The following NECAB1 variants were observed in gnomAD, a reference collection of about 807,000 sequenced individuals.
NECAB1 encodes N-terminal EF-hand calcium-binding protein 1.
NECAB1 carries 29 observed loss-of-function variants against 57.5 expected under a neutral mutation model. The observed-to-expected ratio is 0.50, with a 90% confidence interval of 0.38 to 0.69. The LOEUF is 0.69. NECAB1 is among the 30% of genes least tolerant of loss of function. The probability of loss-of-function intolerance (pLI) is 0.00; values close to 1 mark genes in which losing one functional copy is unlikely to be tolerated. For synonymous variants in NECAB1, 142 were observed against 147.7 expected, an observed-to-expected ratio of 0.96 and a Z score of 0.28; for missense variants, 372 against 413.8, an observed-to-expected ratio of 0.90 and a Z score of 0.88.
intron 3 of NECAB1, among the ~76,000 whole-genome samples, chr8:90,852,362 A>G (rs2129780624): frequency 6.6e-6 from 1 of 152,010 alleles, no homozygotes; most frequent in Admixed American, 6.5e-5. Context: ...AGGACATCAT[A>G]GCTTCAAGGT....
intron 7 of NECAB1, among the ~76,000 whole-genome samples, chr8:90,926,827 G>A (rs1041464827): frequency 2.2e-4 from 33 of 152,164 alleles, no homozygotes; most frequent in Non-Finnish European, 3.7e-4. Flanking sequence ...CACATGTCAA[G>A]CACAGTAACA....
rs146279683 is a variant in NECAB1 at position 90,884,928 on chromosome 8, C to T, written c.357+3798C>T. On this transcript the variant is annotated intron_variant, in intron 5 of 12. Transcript: ENST00000417640. ...GGCCAGACTTCTGCCCAACACCTGGCAAAGGGGAACTCAATGCCTCTGGAA... is the reference window on the plus strand; with the variant it reads ...GGCCAGACTTCTGCCCAACACCTGGTAAAGGGGAACTCAATGCCTCTGGAA... Among the ~76,000 whole-genome samples, 1,154 of 152,258 alleles carry T rather than the reference C, an allele frequency of 7.6e-3. 17 individuals carry two copies. The highest frequency in any genetic ancestry group is 0.026 in the African/African-American group (1,083 of 41,562).
At chr8:90,801,486 G>T (rs879087950) in intron 1 of NECAB1, among the ~76,000 whole-genome samples, 1 of 152,038 alleles carries the variant, frequency 6.6e-6, no homozygotes, top group South Asian at 2.1e-4. Flanking sequence ...ACCACAGTTG[G>T]TTTGTTCATT....
chr8:90,942,481 G>A (rs1245819298), intron 10 of NECAB1, among the ~76,000 whole-genome samples: 7 of 152,094 alleles, frequency 4.6e-5, no homozygotes, highest in African/African-American at 1.4e-4. Context: ...AGACTCAGAG[G>A]GCACAAATCA....
rs1167185467 is a variant in NECAB1 at position 90,934,159 on chromosome 8, A to T, written c.694-145A>T. 4 of 595,084 alleles carry T rather than the reference A, an allele frequency of 6.7e-6. No individual in the cohort carries two copies. In the African/African-American group the frequency reaches 7.8e-5, roughly 12 times the overall value. The allele number at this position is 595,084 out of a possible 1,614,324, so 36.9% of individuals were successfully genotyped here. A position where few individuals can be genotyped will look rare whatever the true frequency, so the allele number is the denominator to read the frequency against. On this transcript the variant is annotated intron_variant, in intron 8 of 12. Coordinates refer to ENST00000417640, the MANE Select transcript of NECAB1 (RefSeq NM_022351.5). The stretch of plus-strand genomic sequence containing the variant: ...TCTTTATTGGAACAGCTGAGTTTTA[A>T]AAAAATCAGTATTATTTCATCTTTA...
intron 3 of NECAB1, among the ~76,000 whole-genome samples, chr8:90,858,755 C>T (rs1396531378): frequency 4.6e-5 from 7 of 152,118 alleles, no homozygotes; most frequent in East Asian, 1.9e-4. Context: ...TCCATTGGCT[C>T]GTAACTATAT....
At chr8:90,907,295 C>T (rs1363145668) in intron 5 of NECAB1, among the ~76,000 whole-genome samples, 1 of 151,982 alleles carries the variant, frequency 6.6e-6, no homozygotes, top group East Asian at 1.9e-4. Flanking sequence ...TCTAGATACT[C>T]CTAAAATGCC....
chr8:90,900,293 A>G (rs561916904), intron 5 of NECAB1, among the ~76,000 whole-genome samples: 1 of 152,250 alleles, frequency 6.6e-6, no homozygotes, highest in Non-Finnish European at 1.5e-5. Flanking sequence ...ATCACTTTTG[A>G]GGCCAGAAAG....
intron 2 of NECAB1, among the ~76,000 whole-genome samples, chr8:90,809,741 C>A (rs938421938): frequency 6.6e-6 from 1 of 152,056 alleles, no homozygotes; most frequent in African/African-American, 2.4e-5. Context: ...TATGAGAGTT[C>A]TCCTGTGAAT....
At chr8:90,901,832 G>A (rs59801655) in intron 5 of NECAB1, among the ~76,000 whole-genome samples, 32,004 of 152,000 alleles carry the variant, frequency 0.21, 5,874 homozygotes, top group African/African-American at 0.5. Context: ...GAATGAGAAT[G>A]TTCCTTCATT....
intron 6 of NECAB1, 27 bp from the exon 7 acceptor site, chr8:90,925,508 G>C (rs1243733201): frequency 6.2e-7 from 1 of 1,607,524 alleles, no homozygotes. Flanking sequence ...CTAACATTAA[G>C]GTTAAATGTT....
intron 9 of NECAB1, among the ~76,000 whole-genome samples, chr8:90,935,213 A>G (rs1443375152): frequency 3.3e-5 from 5 of 152,206 alleles, no homozygotes; most frequent in Admixed American, 2.0e-4. Flanking sequence ...AGCACTGACT[A>G]CATGATAGAT....
chr8:90,909,238 GC>G (rs1809768507), intron 5 of NECAB1, among the ~76,000 whole-genome samples: 1 of 152,056 alleles, frequency 6.6e-6, no homozygotes, highest in Non-Finnish European at 1.5e-5. Flanking sequence ...GCAAACTCCA[GC>G]CATTGGCCAA....
chr8:90,947,446 G>A (rs1452640714), intron 10 of NECAB1, among the ~76,000 whole-genome samples: 1 of 148,758 alleles, frequency 6.7e-6, no homozygotes, highest in Admixed American at 6.7e-5. Context: ...TGTTGCCCAG[G>A]CTGGAGTGCA....
chr8:90,792,954 G>A (rs539556241), intron 1 of NECAB1, among the ~76,000 whole-genome samples: 2 of 152,138 alleles, frequency 1.3e-5, no homozygotes, highest in Non-Finnish European at 2.9e-5. Flanking sequence ...GTCTATCTCA[G>A]TGGGGACAAT....
At chr8:90,955,121 T>TATATAC (rs1811006339) in intron 12 of NECAB1, among the ~76,000 whole-genome samples, 1 of 92,916 alleles carries the variant, frequency 1.1e-5, no homozygotes, top group Non-Finnish European at 2.1e-5. Flanking sequence ...ATTATATATA[T>TATATAC]ATATATATAT....
chr8:90,836,756 T>C (rs1812376252), intron 3 of NECAB1, among the ~76,000 whole-genome samples: 2 of 152,370 alleles, frequency 1.3e-5, no homozygotes, highest in South Asian at 2.1e-4. Flanking sequence ...TAATTATTCA[T>C]TTATTTATTC....
intron 3 of NECAB1, among the ~76,000 whole-genome samples, chr8:90,843,387 C>A (rs1379680116): frequency 6.6e-6 from 1 of 152,218 alleles, no homozygotes; most frequent in African/African-American, 2.4e-5. Flanking sequence ...GTAAACATCT[C>A]CCCTAGCAAA....
chr8:90,929,444 T>G (rs939153253), intron 8 of NECAB1, among the ~76,000 whole-genome samples: 1 of 152,306 alleles, frequency 6.6e-6, no homozygotes, highest in East Asian at 1.9e-4. Flanking sequence ...TTTGGAAAAG[T>G]CAGAAGACAA....
Sources: allele counts gnomAD v4.1 joint callset (sites outside exome capture counted in the v4.1 genomes callset), GRCh38; gene constraint gnomAD v4.1.1; transcripts MANE v1.5; gene names NCBI Gene and HGNC (gene_info 2026-07-23, HGNC 2026-07-21).